Variants in CACNA1D observed in about 807,000 individuals in gnomAD.
CACNA1D encodes voltage-dependent L-type calcium channel subunit alpha-1D.
Under a neutral mutation model 257.1 loss-of-function variants are expected in CACNA1D, and 55 were observed. That is an observed-to-expected ratio of 0.21 (90% CI 0.17 to 0.27). CACNA1D has a LOEUF of 0.27. Ranked by LOEUF, CACNA1D falls within the 10% of genes least tolerant of loss-of-function variation. CACNA1D has a pLI of 1.00. For missense variants in CACNA1D, 1,876 were observed against 2,784.0 expected, an observed-to-expected ratio of 0.67 and a Z score of 7.34; for synonymous variants, 980 against 1,014.9, an observed-to-expected ratio of 0.97 and a Z score of 0.65.
chr3:53,804,339 A>G (rs1015653580), intron 44 of CACNA1D, among the ~76,000 whole-genome samples: 2 of 152,174 alleles, frequency 1.3e-5, no homozygotes, highest in African/African-American at 4.8e-5. Flanking sequence ...ACTCTGAGCC[A>G]GATGAACTCG....
At chr3:53,770,274 C>A (rs1166013520) in intron 31 of CACNA1D, 150 bp from the exon 32 acceptor site, 1 of 842,242 alleles carries the variant, frequency 1.2e-6, no homozygotes, top group Non-Finnish European at 2.0e-6. Flanking sequence ...TGTAACTCTT[C>A]CTTTCATATC....
At chr3:53,572,225 C>T (rs2092957029) in intron 3 of CACNA1D, among the ~76,000 whole-genome samples, 1 of 152,170 alleles carries the variant, frequency 6.6e-6, no homozygotes, top group Admixed American at 6.5e-5. Flanking sequence ...ACTCCCAGCC[C>T]TTCCAGTCCC....
intron 45 of CACNA1D, among the ~76,000 whole-genome samples, chr3:53,806,101 C>T (rs573222926): frequency 6.8e-5 from 10 of 146,940 alleles, no homozygotes; most frequent in African/African-American, 2.5e-4. Flanking sequence ...CCTCCTCCTT[C>T]GTCTTCTAGC....
intron 3 of CACNA1D, among the ~76,000 whole-genome samples, chr3:53,610,382 G>A (rs1281604275): frequency 1.3e-5 from 2 of 152,160 alleles, no homozygotes; most frequent in Non-Finnish European, 2.9e-5. Context: ...CTTTTCAGTT[G>A]TGTCAGTTTT....
intron 30 of CACNA1D, among the ~76,000 whole-genome samples, chr3:53,769,427 A>T (rs2095354129): frequency 6.6e-6 from 1 of 152,208 alleles, no homozygotes; most frequent in Non-Finnish European, 1.5e-5. Flanking sequence ...GCCCTGACTC[A>T]GTCTGTCCAG....
chr3:53,596,200 C>T (rs755305306), intron 3 of CACNA1D, among the ~76,000 whole-genome samples: 1 of 152,084 alleles, frequency 6.6e-6, no homozygotes, highest in African/African-American at 2.4e-5. Flanking sequence ...AGTCTGGATT[C>T]GAATTCTGGA....
At chr3:53,571,345 G>A (rs1262508259) in intron 3 of CACNA1D, among the ~76,000 whole-genome samples, 3 of 152,166 alleles carry the variant, frequency 2.0e-5, no homozygotes, top group East Asian at 1.9e-4. Flanking sequence ...CCTGACAAAC[G>A]ATTCACAAAC....
At chr3:53,571,114 G>T (rs2107687856) in intron 3 of CACNA1D, among the ~76,000 whole-genome samples, 1 of 152,308 alleles carries the variant, frequency 6.6e-6, no homozygotes, top group African/African-American at 2.4e-5. Context: ...TCAAGGCAGG[G>T]GGTTCTTAAG....
intron 4 of CACNA1D, among the ~76,000 whole-genome samples, chr3:53,655,099 A>G (rs2094135844): frequency 1.3e-5 from 2 of 152,258 alleles, no homozygotes; most frequent in South Asian, 4.1e-4. Context: ...TTAGTTTGCT[A>G]AGGATAATGG....
chr3:53,697,387 C>T (rs1035990304), intron 8 of CACNA1D, among the ~76,000 whole-genome samples: 25 of 152,180 alleles, frequency 1.6e-4, no homozygotes, highest in African/African-American at 5.3e-4. Context: ...TATGAAGTGG[C>T]GCCAAGGGGA....
intron 3 of CACNA1D, among the ~76,000 whole-genome samples, chr3:53,568,652 C>T (rs935144999): frequency 1.3e-5 from 2 of 152,196 alleles, no homozygotes; most frequent in African/African-American, 4.8e-5. Context: ...CTGCCTCTCT[C>T]CTGCTGTCAG....
At chr3:53,556,589 T>A (rs768361442) in intron 3 of CACNA1D, among the ~76,000 whole-genome samples, 1 of 152,344 alleles carries the variant, frequency 6.6e-6, no homozygotes, top group South Asian at 2.1e-4. Context: ...TTTGGGTTTC[T>A]TTTTACTGTT....
intron 3 of CACNA1D, among the ~76,000 whole-genome samples, chr3:53,540,925 A>G (rs1182870383): frequency 6.6e-6 from 1 of 152,124 alleles, no homozygotes; most frequent in Non-Finnish European, 1.5e-5. Context: ...TATTTTTAGT[A>G]GAGACAGGGT....
At chr3:53,655,483 T>A (rs1440833309) in intron 4 of CACNA1D, among the ~76,000 whole-genome samples, 1 of 152,196 alleles carries the variant, frequency 6.6e-6, no homozygotes, top group East Asian at 1.9e-4. Context: ...GCATCTGTTA[T>A]TTTTTGACTT....
At position 53,751,463 on chromosome 3, in the gene CACNA1D, A is replaced by G. The variant is rs1204712116; in HGVS notation, c.3517-286A>G. Among the ~76,000 whole-genome samples the G allele has an allele frequency of 6.6e-6, 1 of 152,214 alleles. No homozygotes were observed. The highest frequency in any genetic ancestry group is 1.5e-5 in the Non-Finnish European group (1 of 68,044). ...CAGGGCCTCAGGAAAGACAGCTAAA[A>G]GCTCTGAGCCTCAGTTTTTAGTAAG... On this transcript the variant is annotated intron_variant, in intron 27 of 47. Coordinates refer to ENST00000350061, the MANE Select transcript of CACNA1D (RefSeq NM_001128840.3). The surrounding 1 kb of genome is among the most constrained non-coding windows in gnomAD (Gnocchi z 4.3).
At chr3:53,516,523 AGTG>A (rs1367773214) in intron 3 of CACNA1D, among the ~76,000 whole-genome samples, 1 of 152,172 alleles carries the variant, frequency 6.6e-6, no homozygotes, top group Non-Finnish European at 1.5e-5. Context: ...GCACTGGGTG[AGTG>A]GTGCTGCAGC....
intron 3 of CACNA1D, among the ~76,000 whole-genome samples, chr3:53,610,809 G>A (rs370355825): frequency 6.6e-6 from 1 of 151,698 alleles, no homozygotes; most frequent in South Asian, 2.1e-4. Context: ...TGTCTTCTCT[G>A]TATACGTGTA....
intron 3 of CACNA1D, among the ~76,000 whole-genome samples, chr3:53,536,066 T>C (rs767228249): frequency 4.6e-5 from 7 of 152,210 alleles, no homozygotes; most frequent in Non-Finnish European, 8.8e-5. Context: ...CATTATAATG[T>C]ATATGGTTGG....
At chr3:53,557,743 A>C (rs1428503265) in intron 3 of CACNA1D, among the ~76,000 whole-genome samples, 1 of 152,198 alleles carries the variant, frequency 6.6e-6, no homozygotes. Context: ...CACCAGCACT[A>C]TACTGTTTTG....
Sources: allele counts gnomAD v4.1 joint callset (sites outside exome capture counted in the v4.1 genomes callset), GRCh38; gene constraint gnomAD v4.1.1; non-coding constraint Gnocchi (gnomAD v3.1); transcripts MANE v1.5; gene names NCBI Gene and HGNC (gene_info 2026-07-23, HGNC 2026-07-21).